PRKAG2: variants seen among roughly 807,000 people sequenced by gnomAD.
PRKAG2 encodes 5'-AMP-activated protein kinase subunit gamma-2.
In PRKAG2, 26 loss-of-function variants were observed where a neutral mutation model predicts 69.6. The observed-to-expected ratio is 0.37, with a 90% CI of 0.27 to 0.52. The LOEUF is 0.52. Among genes scored for constraint, PRKAG2 ranks in the 20% least tolerant of loss-of-function variants. The pLI, the probability that PRKAG2 is intolerant of heterozygous loss-of-function variation, is 0.90. For missense variants in PRKAG2, 557 were observed against 740.0 expected (o/e 0.75, Z 2.87); for synonymous variants, 293 against 285.0 (o/e 1.03, Z -0.28).
intron 4 of PRKAG2, among the ~76,000 whole-genome samples, chr7:151,653,332 G>A (rs1290287913): frequency 1.3e-5 from 2 of 152,090 alleles, no homozygotes; most frequent in African/African-American, 4.8e-5. Context: ...GACTATTCTA[G>A]TGCTGATTAA....
chr7:151,762,255 G>A (rs1212144833), intron 3 of PRKAG2, among the ~76,000 whole-genome samples: 1 of 152,208 alleles, frequency 6.6e-6, no homozygotes, highest in African/African-American at 2.4e-5. Flanking sequence ...TCCCCTACAC[G>A]CATCTCCAGG....
chr7:151,594,804 T>C (rs1320865236), intron 6 of PRKAG2, among the ~76,000 whole-genome samples: 1 of 150,908 alleles, frequency 6.6e-6, no homozygotes, highest in Non-Finnish European at 1.5e-5. Context: ...AAGCTTTCTT[T>C]TTCTTTTTTT....
intron 3 of PRKAG2, among the ~76,000 whole-genome samples, chr7:151,681,614 T>G (rs1203403495): frequency 1.3e-5 from 2 of 151,958 alleles, no homozygotes; most frequent in Non-Finnish European, 2.9e-5. Flanking sequence ...GATGCCACCC[T>G]GTTTACAGAG....
chr7:151,642,357 C>A (rs73479902), intron 4 of PRKAG2, among the ~76,000 whole-genome samples: 18,721 of 151,796 alleles, frequency 0.12, 3,141 homozygotes, highest in African/African-American at 0.38. Flanking sequence ...AAACAAACAA[C>A]AAACAAACAA....
intron 6 of PRKAG2, among the ~76,000 whole-genome samples, chr7:151,589,890 G>A (rs191051067): frequency 1.5e-4 from 23 of 152,240 alleles, no homozygotes; most frequent in South Asian, 1.4e-3. Flanking sequence ...AGCCAAGATC[G>A]TACCACTGCA....
chr7:151,827,759 A>AAAAAC (rs1408658534), intron 1 of PRKAG2, among the ~76,000 whole-genome samples: 1 of 149,510 alleles, frequency 6.7e-6, no homozygotes, highest in South Asian at 2.1e-4. Context: ...AAAAAAAAAA[A>AAAAAC]AAAAAAAAAA....
At chr7:151,595,145 GT>G (rs1814148987) in intron 6 of PRKAG2, among the ~76,000 whole-genome samples, 199 bp downstream of exon 6, 1 of 152,120 alleles carries the variant, frequency 6.6e-6, no homozygotes, top group Non-Finnish European at 1.5e-5. Context: ...GAGCTTCCCT[GT>G]CTTTAGGAAG....
intron 4 of PRKAG2, among the ~76,000 whole-genome samples, chr7:151,658,720 T>G (rs989430648): frequency 4.6e-5 from 7 of 152,148 alleles, no homozygotes; most frequent in African/African-American, 1.7e-4. Context: ...TATAAGATGA[T>G]TTTAAACTAA....
At chr7:151,772,577 A>G (rs2151782076) in intron 3 of PRKAG2, among the ~76,000 whole-genome samples, 1 of 152,354 alleles carries the variant, frequency 6.6e-6, no homozygotes, top group Non-Finnish European at 1.5e-5. Context: ...ATCACAAACA[A>G]ACATATTTTT....
At chr7:151,727,463 G>T (rs1798173632) in intron 3 of PRKAG2, among the ~76,000 whole-genome samples, 1 of 152,316 alleles carries the variant, frequency 6.6e-6, no homozygotes, top group Middle Eastern at 3.4e-3. Flanking sequence ...CAGGAGACCA[G>T]AGCTGGGGTG....
At chr7:151,605,936 C>CAAAAAAAAAAAAAA (rs560080587) in intron 5 of PRKAG2, among the ~76,000 whole-genome samples, 7 of 91,048 alleles carry the variant, frequency 7.7e-5, no homozygotes, top group African/African-American at 2.3e-4. Context: ...GACTCCGTCT[C>CAAAAAAAAAAAAAA]AAAAAAAAAA....
intron 5 of PRKAG2, among the ~76,000 whole-genome samples, chr7:151,617,217 C>T (rs534834089): frequency 7.8e-4 from 114 of 146,826 alleles, no homozygotes; most frequent in Admixed American, 1.6e-3. Flanking sequence ...GCCAAGATCA[C>T]GCTGTTGCAC....
chr7:151,833,750 G>T (rs534469865), intron 1 of PRKAG2, among the ~76,000 whole-genome samples: 90 of 152,332 alleles, frequency 5.9e-4, no homozygotes, highest in African/African-American at 2.1e-3. Flanking sequence ...AGGTTGGCAC[G>T]AGGCAAGCCC....
rs143065376 is a variant in PRKAG2, at chr7:151,578,961, C to T, written c.865-2509G>A. ...TATCTGGTAAGTTTGCTTTTCTAAA[C>T]TGGTTGGAATAGAATGGGAATGGGG... On this transcript the variant is annotated intron_variant, in intron 6 of 15. Coordinates refer to ENST00000287878, the MANE Select transcript of PRKAG2 (RefSeq NM_016203.4). 3.7e-3 allele frequency among the ~76,000 whole-genome samples: 558 copies of T among 152,224 alleles called. 6 individuals are homozygous for T. The highest frequency in any genetic ancestry group is 0.012 in the African/African-American group (512 of 41,526).
At chr7:151,732,733 C>T (rs1586151533) in intron 3 of PRKAG2, among the ~76,000 whole-genome samples, 2 of 152,284 alleles carry the variant, frequency 1.3e-5, no homozygotes, top group East Asian at 3.9e-4. Context: ...ACTGTTGTCA[C>T]CCAGGCTAGA....
chr7:151,631,975 C>T (rs995592555), intron 5 of PRKAG2, 94 bp downstream of exon 5: 4 of 1,099,588 alleles, frequency 3.6e-6, no homozygotes, highest in South Asian at 3.4e-5. Flanking sequence ...CGTGGGGCAG[C>T]GCCGGAGATG....
chr7:151,664,178 C>T (rs563415540), intron 4 of PRKAG2, among the ~76,000 whole-genome samples: 1 of 152,280 alleles, frequency 6.6e-6, no homozygotes, highest in Non-Finnish European at 1.5e-5. Context: ...AGGTGACGGA[C>T]AACCATGCTG....
At chr7:151,592,316 C>T (rs915668658) in intron 6 of PRKAG2, among the ~76,000 whole-genome samples, 1 of 152,228 alleles carries the variant, frequency 6.6e-6, no homozygotes, top group Non-Finnish European at 1.5e-5. Context: ...CATTTGATTT[C>T]CACTTTATCA....
At position 151,850,672 on chromosome 7, in the gene PRKAG2, G is replaced by A. The variant is rs758386845; in HGVS notation, c.114+25835C>T. On this transcript the variant is annotated intron_variant, in intron 1 of 15. Transcript: ENST00000287878. This position sits in a 1 kb window ranked among gnomAD's most constrained non-coding sequence, Gnocchi z 4.1. ...CCATCGTCCTGTGTCCAGGAACATG[G>A]CCCTTGTGCCCCACCAGCATCCACC... Among the ~76,000 whole-genome samples, 1 of 152,226 alleles carries A rather than the reference G, an allele frequency of 6.6e-6. No individual in the cohort carries two copies. Among genetic ancestry groups the A allele is most frequent in the Non-Finnish European group, 1.5e-5 (1 of 68,042 alleles).
Sources: gnomAD v4.1 joint callset for allele counts (sites outside exome capture counted in the v4.1 genomes callset) on GRCh38, gnomAD v4.1.1 for gene constraint, Gnocchi (gnomAD v3.1) non-coding constraint, MANE v1.5 for transcripts, NCBI Gene and HGNC (gene_info 2026-07-23, HGNC 2026-07-21) for gene names.